TBR1: variants seen among roughly 807,000 people sequenced by gnomAD.
TBR1 encodes the protein T-box brain protein 1.
In TBR1, 7 loss-of-function variants were observed where a neutral mutation model predicts 60.3. That is an observed-to-expected ratio of 0.12 (90% CI 0.07 to 0.22). TBR1 has a LOEUF of 0.22. Among genes scored for constraint, TBR1 ranks in the 10% least tolerant of loss-of-function variants. TBR1 has a pLI of 1.00. For missense variants in TBR1, 616 were observed against 936.8 expected, an observed-to-expected ratio of 0.66 and a Z score of 4.47; for synonymous variants, 417 against 409.9, an observed-to-expected ratio of 1.02 and a Z score of -0.21.
Position 161,423,893 on chromosome 2 carries a change from C to G in TBR1, c.1715C>G (p.Ala572Gly). The G allele has an allele frequency of 7.3e-7, 1 of 1,370,636 alleles. No homozygotes were observed. Among genetic ancestry groups the G allele is most frequent in the Non-Finnish European group, 9.4e-7 (1 of 1,065,548 alleles). 84.9% of individuals were successfully genotyped at this position (1,370,636 alleles called of 1,614,324 possible). A position where few individuals can be genotyped will look rare whatever the true frequency, so the allele number is the denominator to read the frequency against. ...TGCTGGCCCAACAGCGCCGCGGCCG[C>G]CGCGCGCATGGCCGGCGCCAATCCC... ...LPCWPNSAAA[A>G]ARMAGANPYL... The change falls in exon 6 of 6, where the codon GCC becomes GGC. Residue 572 changes from alanine to glycine, a missense_variant. Physicochemically the swap from Ala to Gly is moderately conservative, Grantham distance 60. Transcript: ENST00000389554.
At chr2:161,419,211 CG>C in intron 4 of TBR1, 161 bp downstream of exon 4, 1 of 1,017,336 alleles carries the variant, frequency 9.8e-7, no homozygotes, top group African/African-American at 1.7e-5. Flanking sequence ...GGCCTGCCCA[CG>C]GCACCTTTCC....
rs1026391918 is a variant in TBR1, at chr2:161,425,083, A to G, written c.*856A>G. 1.3e-5 allele frequency: 2 copies of G among 152,236 alleles called. No homozygotes were observed. Among genetic ancestry groups the G allele is most frequent in the African/African-American group, 2.4e-5 (1 of 41,456 alleles). 9.4% of individuals were successfully genotyped at this position (152,236 alleles called of 1,614,324 possible). On this transcript the variant is annotated 3_prime_UTR_variant, in exon 6 of 6. Transcript: ENST00000389554. ...AAAGGATAGGTGTCTGTTCATAGGC[A>G]AGTCGATTAAGTGGCATGATGCCTG...
At position 161,425,651 on chromosome 2, in the gene TBR1, C is replaced by G. The variant is rs1245641455; in HGVS notation, c.*1424C>G. On this transcript the variant is annotated 3_prime_UTR_variant, in exon 6 of 6. Transcript: ENST00000389554. ...CATACACAATATTCAATCTAGATTC[C>G]AGTCCATGGGGGGATTTTTCCTAAT... 2 of 152,144 alleles carry G rather than the reference C, an allele frequency of 1.3e-5. No homozygotes were observed. The highest frequency in any genetic ancestry group is 3.8e-4 in the East Asian group (2 of 5,206). 9.4% of individuals were successfully genotyped at this position (152,144 alleles called of 1,614,324 possible).
chr2:161,424,411 A>T lies in TBR1; in HGVS notation c.*184A>T. 1 of 662,422 alleles carries T rather than the reference A, an allele frequency of 1.5e-6. No homozygotes were observed. Among genetic ancestry groups the T allele is most frequent in the Non-Finnish European group, 2.5e-6 (1 of 400,572 alleles). 41.0% of individuals were successfully genotyped at this position (662,422 alleles called of 1,614,324 possible). A position where few individuals can be genotyped will look rare whatever the true frequency, so the allele number is the denominator to read the frequency against. ...GTGATTTTAACCTTTTTTGCACAGC[A>T]GTCTCTGCAATTAGCTCACCGACCT... is the stretch of plus-strand genomic sequence containing the variant. On this transcript the variant is annotated 3_prime_UTR_variant, in exon 6 of 6. Coordinates refer to ENST00000389554, the MANE Select transcript of TBR1 (RefSeq NM_006593.4). The surrounding 1 kb of genome is among the most constrained non-coding windows in gnomAD (Gnocchi z 4.4).
chr2:161,418,268 T>C lies in TBR1; in HGVS notation c.915T>C (p.Ser305=), dbSNP rs1036694649. The C allele has an allele frequency of 1.9e-6, 3 of 1,613,998 alleles. No homozygotes were observed. In the African/African-American group the frequency reaches 4.0e-5, roughly 22 times the overall value. ...TGAHWMRQEI[S]FGKLKLTNNK... is the part of the protein sequence containing the mutation. ...CTCACTGGATGCGCCAAGAAATCTC[T>C]TTTGGAAAATTAAAACTTACGAACA... The change falls in exon 3 of 6, where the codon TCT becomes TCC. Residue 305 remains serine, a synonymous_variant. Coordinates refer to ENST00000389554, the MANE Select transcript of TBR1 (RefSeq NM_006593.4).
chr2:161,418,658 TCGGCTTCCC>T, intron 3 of TBR1: 1 of 597,074 alleles, frequency 1.7e-6, no homozygotes, highest in Non-Finnish European at 2.8e-6. Context: ...GATCGGGCGG[TCGGCTTCCC>T]CCTTTTTTCC....
rs780720807 is a variant in TBR1, at chr2:161,423,517, C to CCGGGCG, written c.1351_1356dup (p.Ala451_Gly452dup). 297 of 1,585,364 alleles carry CCGGGCG rather than the reference C, an allele frequency of 1.9e-4. No individual in the cohort carries two copies. The highest frequency in any genetic ancestry group is 2.1e-4 in the Admixed American group (12 of 57,012). On this transcript the variant is annotated inframe_insertion, in exon 6 of 6. Transcript: ENST00000389554. ...CAACTACGCCAAGGCCCGCTTCCAC[C>CCGGGCG]CGGGCGCGGGCGCGGGCCCCGGGCC...
chr2:161,418,820 G>A lies in TBR1; in HGVS notation c.970-72G>A, dbSNP rs1684178487. ...TCCGCCGGCCCGGGCGCGCAGCCGG[G>A]CGCACACAGCCACGCGCACAGCGAC... On this transcript the variant is annotated intron_variant, in intron 3 of 5. Transcript: ENST00000389554. The A allele has an allele frequency of 4.6e-5, 71 of 1,539,926 alleles. 3 individuals are homozygous for A. The South Asian group carries it at 8.2e-4, about 18-fold the overall frequency.
chr2:161,416,974 G>T lies in TBR1; in HGVS notation c.564G>T (p.Pro188=), dbSNP rs146857698. Residue 188 remains proline (P), a synonymous_variant, in exon 1 of 6, where the codon CCG becomes CCT. Transcript: ENST00000389554. The surrounding 1 kb of genome is among the most constrained non-coding windows in gnomAD (Gnocchi z 6.1). ...QQYGHSYQGA[P]FYQFSSTQPG... Reference sequence around the variant, plus strand: ...ACGGCCACTCCTACCAAGGAGCTCCGTTCTACCAGTTCTCCTCCACCCAGC... The same window carrying T: ...ACGGCCACTCCTACCAAGGAGCTCCTTTCTACCAGTTCTCCTCCACCCAGC... The T allele has an allele frequency of 1.7e-5, 28 of 1,614,196 alleles. No homozygotes were observed. The East Asian group carries it at 5.8e-4, about 33-fold the overall frequency.
intron 5 of TBR1, chr2:161,420,984 C>G (rs1281324883): frequency 6.6e-6 from 1 of 152,184 alleles, no homozygotes; most frequent in Non-Finnish European, 1.5e-5. Context: ...TTCTTTAGGC[C>G]TCCCTTACCT....
rs372506999 is a variant in TBR1 at position 161,423,528 on chromosome 2, C to A, written c.1350C>A (p.Gly450=). Residue 450 remains glycine (G), a synonymous_variant, in exon 6 of 6, where the codon GGC becomes GGA. Coordinates refer to ENST00000389554, the MANE Select transcript of TBR1 (RefSeq NM_006593.4). ...YAKARFHPGA[G]AGPGPGTDRS... is the part of the protein sequence containing the mutation. ...AGGCCCGCTTCCACCCGGGCGCGGG[C>A]GCGGGCCCCGGGCCGGGTACGGACC... is the stretch of plus-strand genomic sequence containing the variant. The A allele has an allele frequency of 1.3e-6, 2 of 1,578,428 alleles. No homozygotes were observed. Among genetic ancestry groups the A allele is most frequent in the East Asian group, 2.4e-5 (1 of 41,084 alleles).
At chr2:161,418,535 C>T in intron 3 of TBR1, 2 of 655,334 alleles carry the variant, frequency 3.1e-6, no homozygotes, top group Non-Finnish European at 5.0e-6. Flanking sequence ...TTTGGAGTGC[C>T]CGACCTTCCC....
In TBR1 at chr2:161,419,067, G is replaced by C. The variant is rs779849777; in HGVS notation, c.1128+17G>C. On this transcript the variant is annotated intron_variant, in intron 4 of 5. Coordinates refer to ENST00000389554, the MANE Select transcript of TBR1 (RefSeq NM_006593.4). ...AACACGGATGTAAGGAGACCTAGGG[G>C]CTGGGGGCGAGGCGGGCGGCACAGA... The C allele has an allele frequency of 8.1e-6, 13 of 1,613,718 alleles. No individual in the cohort carries two copies. In the South Asian group the frequency reaches 1.3e-4, roughly 16 times the overall value.
Position 161,424,859 on chromosome 2 carries a change from T to G in TBR1, c.*632T>G, listed in dbSNP as rs1180344615. 1.3e-5 allele frequency: 2 copies of G among 152,718 alleles called. No individual in the cohort carries two copies. Among genetic ancestry groups the G allele is most frequent in the African/African-American group, 4.8e-5 (2 of 41,460 alleles). 9.5% of individuals were successfully genotyped at this position (152,718 alleles called of 1,614,324 possible). A position where few individuals can be genotyped will look rare whatever the true frequency, so the allele number is the denominator to read the frequency against. ...TTAACCTTTTTTTCCTTTCCTTTCT[T>G]TGCTTTTCTTTCTCTCCTCTCATAC... On this transcript the variant is annotated 3_prime_UTR_variant, in exon 6 of 6. Coordinates refer to ENST00000389554, the MANE Select transcript of TBR1 (RefSeq NM_006593.4). This position sits in a 1 kb window ranked among gnomAD's most constrained non-coding sequence, Gnocchi z 4.4.
At chr2:161,419,216 C>T in intron 4 of TBR1, 166 bp downstream of exon 4, 2 of 981,348 alleles carry the variant, frequency 2.0e-6, no homozygotes, top group Non-Finnish European at 2.9e-6. Flanking sequence ...GCCCACGGCA[C>T]CTTTCCTAAA....
At position 161,424,098 on chromosome 2, in the gene TBR1, C is replaced by A; in HGVS notation, c.1920C>A (p.Ile640=). 1 of 1,611,906 alleles carries A rather than the reference C, an allele frequency of 6.2e-7. No homozygotes were observed. Reference sequence around the variant, plus strand: ...ACGAGCAGGCCAAGCGGAGGCGGATCTCGCCGGCCGACACGCCCGTGTCCG... The same window carrying A: ...ACGAGCAGGCCAAGCGGAGGCGGATATCGCCGGCCGACACGCCCGTGTCCG... ...GIYEQAKRRR[I]SPADTPVSES... The change falls in exon 6 of 6, where the codon ATC becomes ATA. Residue 640 remains isoleucine, a synonymous_variant. Transcript: ENST00000389554. The surrounding 1 kb of genome is among the most constrained non-coding windows in gnomAD (Gnocchi z 4.4).
chr2:161,423,922 C>G lies in TBR1; in HGVS notation c.1744C>G (p.Leu582Val). Residue 582 changes from leucine (L) to valine (V), a missense_variant, in exon 6 of 6, where the codon CTG (leucine) becomes GTG (valine). Leu to Val is a conservative substitution (Grantham distance 32). This residue lies in a region of TBR1 where 210 missense variants were observed against 297.4 expected (regional missense o/e 0.71). Transcript: ENST00000389554. ...GCGCATGGCCGGCGCCAATCCCTAC[C>G]TGGGCGAGGAGGCCGAGGGCCTGGC... The part of the protein sequence containing the change: ...AARMAGANPY[L>V]GEEAEGLAAE... 3 of 1,529,052 alleles carry G rather than the reference C, an allele frequency of 2.0e-6. No homozygotes were observed. The highest frequency in any genetic ancestry group is 2.6e-6 in the Non-Finnish European group (3 of 1,137,580). The allele number at this position is 1,529,052 out of a possible 1,614,324, so 94.7% of individuals were successfully genotyped here.
intron 4 of TBR1, chr2:161,419,457 TTC>T (rs893919582): frequency 4.4e-4 from 78 of 176,846 alleles, no homozygotes; most frequent in South Asian, 1.8e-3. Flanking sequence ...AAAAAAAAAT[TTC>T]TCTCTCTCTC....
chr2:161,417,459 G>GCCACCTT lies in TBR1; in HGVS notation c.693-214_693-208dup, dbSNP rs1376342881. ...GCTCTCCACCTGGGCAGTGATAACT[G>GCCACCTT]CCACCTTCCCACTCCAGCTCACCCG... On this transcript the variant is annotated intron_variant, in intron 1 of 5. Coordinates refer to ENST00000389554, the MANE Select transcript of TBR1 (RefSeq NM_006593.4). This position sits in a 1 kb window ranked among gnomAD's most constrained non-coding sequence, Gnocchi z 5.3. The GCCACCTT allele has an allele frequency of 2.0e-5, 13 of 643,638 alleles. No homozygotes were observed. The East Asian group carries it at 3.7e-4, about 19-fold the overall frequency. The allele number at this position is 643,638 out of a possible 1,614,324, so 39.9% of individuals were successfully genotyped here.
Sources: gnomAD v4.1 joint callset for allele counts on GRCh38, gnomAD v4.1.1 for gene constraint, gnomAD v4.1.1 regional missense constraint, Gnocchi (gnomAD v3.1) non-coding constraint, MANE v1.5 for transcripts, NCBI Gene and HGNC (gene_info 2026-07-23, HGNC 2026-07-21) for gene names.